The following SNX9 variants were observed in gnomAD, a reference collection of about 807,000 sequenced individuals.
The protein encoded by SNX9 is sorting nexin-9.
SNX9 carries 44 observed loss-of-function variants against 89.4 expected under a neutral mutation model. The ratio of observed to expected loss-of-function variants is 0.49; its 90% CI spans 0.39 to 0.63. The LOEUF (loss-of-function observed/expected upper bound fraction) is 0.63. Among genes scored for constraint, SNX9 ranks in the 30% least tolerant of loss-of-function variants. The pLI is 0.00. For synonymous variants in SNX9, 236 were observed against 247.8 expected (o/e 0.95, Z 0.45); for missense variants, 578 against 736.1 (o/e 0.79, Z 2.49).
intron 1 of SNX9, among the ~76,000 whole-genome samples, chr6:157,858,707 A>G (rs560484031): frequency 1.1e-4 from 16 of 152,352 alleles, no homozygotes; most frequent in African/African-American, 3.6e-4. Context: ...TAATGGACTC[A>G]CAATTCCACA....
chr6:157,941,606 A>G (rs1784037174), intron 17 of SNX9, among the ~76,000 whole-genome samples: 2 of 152,210 alleles, frequency 1.3e-5, no homozygotes. Flanking sequence ...TGTAGAATCC[A>G]GCCTCCGCTG....
At chr6:157,828,931 A>G (rs914225901) in intron 1 of SNX9, among the ~76,000 whole-genome samples, 26 of 152,190 alleles carry the variant, frequency 1.7e-4, no homozygotes, top group African/African-American at 6.3e-4. Context: ...GTCAGCCTCA[A>G]GAAGCTGAGA....
intron 6 of SNX9, among the ~76,000 whole-genome samples, chr6:157,903,998 T>G (rs1288940488): frequency 1.3e-5 from 2 of 152,220 alleles, no homozygotes; most frequent in African/African-American, 4.8e-5. Context: ...CACTTAAACT[T>G]AAAACAATTA....
intron 1 of SNX9, among the ~76,000 whole-genome samples, chr6:157,827,691 T>C (rs1781406773): frequency 6.7e-6 from 1 of 149,088 alleles, no homozygotes; most frequent in Non-Finnish European, 1.5e-5. Context: ...TTTTTTTCAG[T>C]GTCTGTCAAA....
intron 10 of SNX9, among the ~76,000 whole-genome samples, chr6:157,926,056 T>C (rs181828170): frequency 5.9e-5 from 9 of 152,346 alleles, no homozygotes; most frequent in Non-Finnish European, 4.4e-5. Context: ...GGAGAAGCTC[T>C]CATGACCTAA....
intron 1 of SNX9, among the ~76,000 whole-genome samples, chr6:157,851,056 G>C (rs929040336): frequency 6.6e-6 from 1 of 152,144 alleles, no homozygotes; most frequent in African/African-American, 2.4e-5. Context: ...AGGAGTTCAA[G>C]ACCAACCTGG....
intron 7 of SNX9, among the ~76,000 whole-genome samples, chr6:157,909,365 A>G (rs1475329888): frequency 6.6e-6 from 1 of 152,218 alleles, no homozygotes; most frequent in East Asian, 1.9e-4. Context: ...AGACAGCTAG[A>G]CTAGAAAGAA....
At chr6:157,903,487 C>T (rs1783149168) in intron 6 of SNX9, among the ~76,000 whole-genome samples, 1 of 152,196 alleles carries the variant, frequency 6.6e-6, no homozygotes, top group Non-Finnish European at 1.5e-5. Context: ...TGTTAGTCAA[C>T]TGTGTCTTGT....
At position 157,943,684 on chromosome 6, in the gene SNX9, C is replaced by G. The variant is rs1004516959; in HGVS notation, c.*846C>G. The G allele has an allele frequency of 6.6e-5, 10 of 152,438 alleles. No individual in the cohort carries two copies. Among genetic ancestry groups the G allele is most frequent in the Admixed American group, 5.9e-4 (9 of 15,290 alleles). 9.4% of individuals were successfully genotyped at this position (152,438 alleles called of 1,614,324 possible). A position where few individuals can be genotyped will look rare whatever the true frequency, so the allele number is the denominator to read the frequency against. On this transcript the variant is annotated 3_prime_UTR_variant, in exon 18 of 18. Coordinates refer to ENST00000392185, the MANE Select transcript of SNX9 (RefSeq NM_016224.5). Reference sequence around the variant, plus strand: ...AGAGAATTTTGTGGCTTTGGTCCAACGGGTGAGTGGCTGTGCGGAGGCCTG... The same window carrying G: ...AGAGAATTTTGTGGCTTTGGTCCAAGGGGTGAGTGGCTGTGCGGAGGCCTG...
At chr6:157,903,904 T>G (rs1783158118) in intron 6 of SNX9, among the ~76,000 whole-genome samples, 1 of 152,246 alleles carries the variant, frequency 6.6e-6, no homozygotes, top group Admixed American at 6.5e-5. Flanking sequence ...AACCTGTGCC[T>G]CTGAGGCATC....
chr6:157,926,088 T>G (rs1253389873), intron 10 of SNX9, among the ~76,000 whole-genome samples: 1 of 152,242 alleles, frequency 6.6e-6, no homozygotes, highest in Admixed American at 6.5e-5. Context: ...AGGCCCCACC[T>G]CTTAATATTA....
intron 10 of SNX9, among the ~76,000 whole-genome samples, chr6:157,924,965 G>A (rs1783659972): frequency 6.6e-6 from 1 of 152,140 alleles, no homozygotes; most frequent in African/African-American, 2.4e-5. Flanking sequence ...AAGATAACGT[G>A]GAACATCCTC....
At chr6:157,919,094 A>G (rs1416509040) in intron 9 of SNX9, among the ~76,000 whole-genome samples, 1 of 152,090 alleles carries the variant, frequency 6.6e-6, no homozygotes, top group Admixed American at 6.5e-5. Flanking sequence ...ATCTTTAGTA[A>G]TTTCTTTTTA....
chr6:157,903,304 G>A (rs77845157), intron 6 of SNX9, among the ~76,000 whole-genome samples: 3,816 of 152,160 alleles, frequency 0.025, 110 homozygotes, highest in African/African-American at 0.068. Flanking sequence ...CAAGATCTAG[G>A]TCTAGATCTA....
At chr6:157,868,366 T>C (rs1055134752) in intron 2 of SNX9, among the ~76,000 whole-genome samples, 7 of 152,252 alleles carry the variant, frequency 4.6e-5, no homozygotes, top group Non-Finnish European at 7.3e-5. Context: ...TACACTCATC[T>C]TCAGATGTGT....
At position 157,911,194 on chromosome 6, in the gene SNX9, A is replaced by G. The variant is rs531641833; in HGVS notation, c.949+1169A>G. 1.2e-4 allele frequency among the ~76,000 whole-genome samples: 18 copies of G among 152,372 alleles called. 1 individual carries two copies. The highest frequency in any genetic ancestry group is 4.1e-4 in the African/African-American group (17 of 41,600). On this transcript the variant is annotated intron_variant, in intron 9 of 17. Coordinates refer to ENST00000392185, the MANE Select transcript of SNX9 (RefSeq NM_016224.5). Reference sequence around the variant, plus strand: ...TTAGACAGAGTTTTAGTATATTGCTAGAAAATGTTCACATACATGAACTAG... The same window carrying G: ...TTAGACAGAGTTTTAGTATATTGCTGGAAAATGTTCACATACATGAACTAG...
intron 4 of SNX9, among the ~76,000 whole-genome samples, chr6:157,878,138 A>T (rs151289835): frequency 9.5e-4 from 145 of 152,314 alleles, no homozygotes; most frequent in Middle Eastern, 3.4e-3. Flanking sequence ...CTTACTGAGT[A>T]GTCTCAGGTG....
intron 4 of SNX9, among the ~76,000 whole-genome samples, chr6:157,891,030 T>C (rs1175985999): frequency 2.1e-5 from 3 of 139,976 alleles, no homozygotes; most frequent in Non-Finnish European, 3.1e-5. Context: ...TCTTTCTCTT[T>C]TTTTTTTTTT....
chr6:157,827,910 CAT>C (rs1781411970), intron 1 of SNX9, among the ~76,000 whole-genome samples: 2 of 149,376 alleles, frequency 1.3e-5, no homozygotes, highest in African/African-American at 2.5e-5. Context: ...AAGTTATACA[CAT>C]GTGTTACACA....
Sources: gnomAD v4.1 joint callset for allele counts (sites outside exome capture counted in the v4.1 genomes callset) on GRCh38, gnomAD v4.1.1 for gene constraint, MANE v1.5 for transcripts, NCBI Gene and HGNC (gene_info 2026-07-23, HGNC 2026-07-21) for gene names.